Variants in RSPH14 observed in about 807,000 individuals in gnomAD.
The protein encoded by RSPH14 is rhabdoid tumor deletion region gene 1.
A neutral mutation model predicts 26.7 loss-of-function variants in RSPH14; 20 were observed. The ratio of observed to expected loss-of-function variants is 0.75; its 90% CI spans 0.53 to 1.09. The LOEUF (loss-of-function observed/expected upper bound fraction) is 1.09. Ranked by LOEUF, RSPH14 falls within the 50% of genes least tolerant of loss-of-function variation. The pLI, the probability that RSPH14 is intolerant of heterozygous loss-of-function variation, is 0.00. For missense variants in RSPH14, 449 were observed against 457.2 expected (o/e 0.98, Z 0.16); for synonymous variants, 177 against 189.3 (o/e 0.93, Z 0.53).
intron 4 of RSPH14, among the ~76,000 whole-genome samples, chr22:23,128,672 T>C (rs905388772): frequency 6.6e-6 from 1 of 151,828 alleles, no homozygotes; most frequent in East Asian, 1.9e-4. Flanking sequence ...CTGAAACCAC[T>C]CTCCCAGACA....
intron 4 of RSPH14, among the ~76,000 whole-genome samples, chr22:23,085,880 T>C (rs962029555): frequency 3.9e-5 from 6 of 152,220 alleles, no homozygotes; most frequent in Non-Finnish European, 7.3e-5. Flanking sequence ...ATCCTTTTTG[T>C]TTCTCTCTCA....
chr22:23,068,353 G>C (rs2068258326), intron 4 of RSPH14, among the ~76,000 whole-genome samples: 1 of 152,248 alleles, frequency 6.6e-6, no homozygotes, highest in South Asian at 2.1e-4. Flanking sequence ...AGCCTCACAT[G>C]ACTGTAAGGC....
At chr22:23,142,362 C>T (rs759100005), upstream of RSPH14, among the ~76,000 whole-genome samples, 7 of 152,100 alleles carry the variant, frequency 4.6e-5, no homozygotes, top group Non-Finnish European at 1.0e-4. Flanking sequence ...TTCACGCAGG[C>T]TGGAGTGCAG....
upstream of RSPH14, among the ~76,000 whole-genome samples, chr22:23,144,075 AGAGT>A (rs1313037754): frequency 4.4e-5 from 6 of 137,852 alleles, no homozygotes; most frequent in African/African-American, 1.4e-4. Flanking sequence ...CCTGGGCGAC[AGAGT>A]GAGACTCCAT....
chr22:23,134,548 CAAA>C (rs59412175), intron 3 of RSPH14, among the ~76,000 whole-genome samples: 90 of 86,134 alleles, frequency 1.0e-3, no homozygotes, highest in Middle Eastern at 6.4e-3. Flanking sequence ...AACTCCCAAC[CAAA>C]AAAAAAAAAA....
chr22:23,111,605 G>A (rs1424638002), intron 4 of RSPH14, among the ~76,000 whole-genome samples: 1 of 152,242 alleles, frequency 6.6e-6, no homozygotes, highest in African/African-American at 2.4e-5. Context: ...TGACCATCTT[G>A]GACAAACAGC....
chr22:23,160,447 T>C, the RSPH14 span, among the ~76,000 whole-genome samples: 2 of 152,204 alleles, frequency 1.3e-5, no homozygotes, highest in Admixed American at 6.5e-5. Context: ...AAAGGCTCCA[T>C]GTGGGGGCTG....
rs181037244 is a variant in RSPH14 at position 23,080,915 on chromosome 22, C to G, written c.422-16782G>C. 2.0e-3 allele frequency among the ~76,000 whole-genome samples: 311 copies of G among 152,328 alleles called. 1 individual carries two copies. Among genetic ancestry groups the G allele is most frequent in the Non-Finnish European group, 2.2e-3 (151 of 68,034 alleles). On this transcript the variant is annotated intron_variant, in intron 4 of 6. Coordinates refer to ENST00000216036, the MANE Select transcript of RSPH14 (RefSeq NM_014433.3). ...TAAAGCATGCTGGCTTGTGTCAGTA[C>G]AGGGTTGGCCCTCCAGGGCAGCGGG...
At chr22:23,167,185 A>G in the RSPH14 span, among the ~76,000 whole-genome samples, 1 of 152,022 alleles carries the variant, frequency 6.6e-6, no homozygotes, top group South Asian at 2.1e-4. Context: ...CCTGGGGCTC[A>G]ATGTCTCTCA....
At position 23,061,722 on chromosome 22, in the gene RSPH14, C is replaced by T. The variant is rs554617809; in HGVS notation, c.790+87G>A. The T allele has an allele frequency of 3.3e-5, 50 of 1,501,252 alleles. No individual in the cohort carries two copies. The South Asian group carries it at 3.6e-4, about 11-fold the overall frequency. 93.0% of individuals were successfully genotyped at this position (1,501,252 alleles called of 1,614,324 possible). ...TTTGCAAAGTGTGGAGTTTGGGGGA[C>T]GATACCCAGCCCCTGAGTACAGAAA... On this transcript the variant is annotated intron_variant, in intron 6 of 6. Coordinates refer to ENST00000216036, the MANE Select transcript of RSPH14 (RefSeq NM_014433.3).
intron 4 of RSPH14, among the ~76,000 whole-genome samples, chr22:23,118,654 T>C (rs1194466539): frequency 6.6e-6 from 1 of 152,184 alleles, no homozygotes; most frequent in Non-Finnish European, 1.5e-5. Context: ...CCCCTTGCCA[T>C]GGGGTCATGG....
In RSPH14 at chr22:23,134,128, G is replaced by A; in HGVS notation, c.319C>T (p.His107Tyr). ...HSVGRYAFLEHDIVLALSFLL... is the reference protein window; with the variant it reads ...HSVGRYAFLEYDIVLALSFLL... ...AAGGACAGGGCAAGGACGATGTCGT[G>A]CTCTAGAAAGGCGTATCTAGGGAAG... The change falls in exon 4 of 7, where the codon CAC (histidine) becomes TAC (tyrosine). Residue 107 changes from histidine (H) to tyrosine (Y), a missense_variant. Transcript: ENST00000216036. 6.2e-7 allele frequency: 1 copy of A among 1,610,464 alleles called. No homozygotes were observed. The highest frequency in any genetic ancestry group is 2.2e-5 in the East Asian group (1 of 44,710).
At chr22:23,116,372 ACGTGG>A (rs1262638021) in intron 4 of RSPH14, among the ~76,000 whole-genome samples, 1 of 152,238 alleles carries the variant, frequency 6.6e-6, no homozygotes, top group African/African-American at 2.4e-5. Flanking sequence ...TGAGGGGATG[ACGTGG>A]CTACGCGCCT....
chr22:23,169,285 A>G, the RSPH14 span, among the ~76,000 whole-genome samples: 12,403 of 152,252 alleles, frequency 0.081, 667 homozygotes, highest in Admixed American at 0.13. Context: ...TTGATGGCCC[A>G]GTTTTCTGAT....
At chr22:23,105,604 T>A (rs1005361198) in intron 4 of RSPH14, among the ~76,000 whole-genome samples, 5 of 152,204 alleles carry the variant, frequency 3.3e-5, no homozygotes, top group African/African-American at 4.8e-5. Flanking sequence ...TTCCTGGGGA[T>A]CCTCTGGAGC....
At position 23,064,237 on chromosome 22, in the gene RSPH14, G is replaced by A. The variant is rs2068155343; in HGVS notation, c.422-104C>T. 1.0e-5 allele frequency: 11 copies of A among 1,086,670 alleles called. No individual in the cohort carries two copies. The South Asian group carries it at 1.1e-4, about 11-fold the overall frequency. The allele number at this position is 1,086,670 out of a possible 1,614,324, so 67.3% of individuals were successfully genotyped here. A position where few individuals can be genotyped will look rare whatever the true frequency, so the allele number is the denominator to read the frequency against. On this transcript the variant is annotated intron_variant, in intron 4 of 6. Coordinates refer to ENST00000216036, the MANE Select transcript of RSPH14 (RefSeq NM_014433.3). ...GGAGGGTCTTGCAGAACCAGTGGGT[G>A]GGTTTGACAAAAGGACTTGCAAGTG...
intron 4 of RSPH14, among the ~76,000 whole-genome samples, chr22:23,129,890 A>T (rs1201695876): frequency 6.6e-6 from 1 of 151,506 alleles, no homozygotes; most frequent in African/African-American, 2.4e-5. Flanking sequence ...ACTACAGTAC[A>T]GCCTGGGTGA....
the RSPH14 span, among the ~76,000 whole-genome samples, chr22:23,173,636 G>T: frequency 0.61 from 64,436 of 105,472 alleles, 15,812 homozygotes; most frequent in East Asian, 0.72. Context: ...TTTGTTTTTT[G>T]TTTTTTTTTT....
chr22:23,164,142 A>G, the RSPH14 span: 6 of 152,266 alleles, frequency 3.9e-5, no homozygotes, highest in Non-Finnish European at 8.8e-5. Context: ...TTTGCTGGGC[A>G]TAAGCTTCAC....
Sources: gnomAD v4.1 joint callset for allele counts (sites outside exome capture counted in the v4.1 genomes callset) on GRCh38, gnomAD v4.1.1 for gene constraint, MANE v1.5 for transcripts, NCBI Gene and HGNC (gene_info 2026-07-23, HGNC 2026-07-21) for gene names.